Variants in TASP1 observed in about 807,000 individuals in gnomAD.
TASP1 encodes the protein taspase 1.
A neutral mutation model predicts 56.6 loss-of-function variants in TASP1; 16 were observed. The ratio of observed to expected loss-of-function variants is 0.28; its 90% CI spans 0.19 to 0.43. TASP1 has a LOEUF of 0.43. TASP1 is among the 20% of genes least tolerant of loss of function. The probability of loss-of-function intolerance (pLI) is 1.00; values close to 1 mark genes in which losing one functional copy is unlikely to be tolerated. For synonymous variants in TASP1, 179 were observed against 184.2 expected, an observed-to-expected ratio of 0.97 and a Z score of 0.23; for missense variants, 393 against 511.6, an observed-to-expected ratio of 0.77 and a Z score of 2.24.
the TASP1 span, among the ~76,000 whole-genome samples, chr20:13,352,447 C>CA: frequency 0.029 from 2,460 of 85,280 alleles, 30 homozygotes; most frequent in African/African-American, 0.041. Flanking sequence ...AAGACTGTCT[C>CA]AAAAAAAAAA....
At chr20:13,178,353 C>T in the TASP1 span, among the ~76,000 whole-genome samples, 96 of 152,026 alleles carry the variant, frequency 6.3e-4, no homozygotes, top group South Asian at 2.1e-3. Context: ...TGAAGGTTCC[C>T]CAAAAAACCT....
intron 6 of TASP1, among the ~76,000 whole-genome samples, chr20:13,572,470 G>A (rs1279818068): frequency 6.6e-6 from 1 of 152,094 alleles, no homozygotes; most frequent in Non-Finnish European, 1.5e-5. Context: ...GATCACTTGA[G>A]GTCAGGAGTT....
chr20:13,121,318 C>T, the TASP1 span, among the ~76,000 whole-genome samples: 1 of 152,068 alleles, frequency 6.6e-6, no homozygotes, highest in Non-Finnish European at 1.5e-5. Flanking sequence ...GAGCATTAGC[C>T]CCAGAAGCCT....
At chr20:13,327,620 T>G in the TASP1 span, among the ~76,000 whole-genome samples, 1 of 151,948 alleles carries the variant, frequency 6.6e-6, no homozygotes, top group Non-Finnish European at 1.5e-5. Flanking sequence ...CATAGACCAG[T>G]GGAACAGAAC....
intron 8 of TASP1, among the ~76,000 whole-genome samples, chr20:13,539,107 C>T (rs760673558): frequency 2.6e-4 from 40 of 152,098 alleles, no homozygotes; most frequent in Non-Finnish European, 5.3e-4. Context: ...TGCATGAAAC[C>T]AGCAAAAATC....
At chr20:13,358,677 GTTTAATCAT>G in the TASP1 span, among the ~76,000 whole-genome samples, 1 of 141,532 alleles carries the variant, frequency 7.1e-6, no homozygotes, top group African/African-American at 2.9e-5. Flanking sequence ...TTCCCTTGGT[GTTTAATCAT>G]GGCAGGGATG....
chr20:13,400,199 A>G (rs958559875), intron 13 of TASP1, among the ~76,000 whole-genome samples: 1 of 152,200 alleles, frequency 6.6e-6, no homozygotes, highest in Non-Finnish European at 1.5e-5. Flanking sequence ...TCCCCAGAAA[A>G]GTACCTCAAT....
chr20:13,185,713 AC>A, the TASP1 span, among the ~76,000 whole-genome samples: 1 of 152,170 alleles, frequency 6.6e-6, no homozygotes, highest in Non-Finnish European at 1.5e-5. Context: ...GCCTTACATT[AC>A]CTTCTCATAG....
intron 8 of TASP1, among the ~76,000 whole-genome samples, chr20:13,553,809 C>T (rs968456668): frequency 4.6e-5 from 7 of 152,116 alleles, no homozygotes; most frequent in Non-Finnish European, 7.4e-5. Flanking sequence ...CTGTAAACGA[C>T]CTACCAAATA....
In TASP1 at chr20:13,505,295, T is replaced by C. The variant is rs1601036034; in HGVS notation, c.875-21958A>G. Among the ~76,000 whole-genome samples the C allele has an allele frequency of 2.6e-5, 4 of 152,134 alleles. No individual in the cohort carries two copies. The East Asian group carries it at 7.7e-4, about 29-fold the overall frequency. The stretch of plus-strand genomic sequence containing the variant: ...TATTAACAGATCTGAAGAGGACAGA[T>C]AGCAATAAAATAATAGTAGAGAACT... On this transcript the variant is annotated intron_variant, in intron 10 of 13. Coordinates refer to ENST00000337743, the MANE Select transcript of TASP1 (RefSeq NM_017714.3).
chr20:13,359,325 T>A, the TASP1 span, among the ~76,000 whole-genome samples: 1 of 151,164 alleles, frequency 6.6e-6, no homozygotes, highest in Non-Finnish European at 1.5e-5. Flanking sequence ...GGGACCCCAC[T>A]GAAAATCGGA....
chr20:13,437,534 A>C (rs2043048437), intron 11 of TASP1, among the ~76,000 whole-genome samples: 1 of 152,190 alleles, frequency 6.6e-6, no homozygotes, highest in African/African-American at 2.4e-5. Context: ...GAAGGAAATA[A>C]AGGGTATTCA....
At chr20:13,629,804 C>T (rs1488105602) in intron 2 of TASP1, 130 bp downstream of exon 2, 18 of 1,361,896 alleles carry the variant, frequency 1.3e-5, no homozygotes, top group Admixed American at 2.0e-5. Flanking sequence ...GTCAAACAAT[C>T]GCTTTGCTTC....
chr20:13,178,895 A>G, the TASP1 span, among the ~76,000 whole-genome samples: 1 of 152,064 alleles, frequency 6.6e-6, no homozygotes, highest in African/African-American at 2.4e-5. Context: ...ATAATAATAC[A>G]TCATTTCAAA....
At chr20:13,496,319 T>G (rs957685903) in intron 10 of TASP1, among the ~76,000 whole-genome samples, 1 of 152,134 alleles carries the variant, frequency 6.6e-6, no homozygotes, top group East Asian at 1.9e-4. Flanking sequence ...CCTCCCAAAG[T>G]GCTGGGATTA....
chr20:13,356,632 AAGCATGAGATGCTCTAGAT>A, the TASP1 span, among the ~76,000 whole-genome samples: 3 of 152,178 alleles, frequency 2.0e-5, no homozygotes, highest in Non-Finnish European at 4.4e-5. Context: ...TTGCTTATCA[AAGCATGAGATGCTCTAGAT>A]AACACTTAAC....
the TASP1 span, among the ~76,000 whole-genome samples, chr20:13,122,885 G>A: frequency 6.6e-6 from 1 of 152,154 alleles, no homozygotes; most frequent in Non-Finnish European, 1.5e-5. Flanking sequence ...TTTGATGTAT[G>A]GGTCTACCAA....
chr20:13,396,987 C>A (rs1455680977), intron 13 of TASP1, among the ~76,000 whole-genome samples: 2 of 152,232 alleles, frequency 1.3e-5, no homozygotes, highest in African/African-American at 4.8e-5. Context: ...TTGGTTCTTA[C>A]TATCACCAGG....
At chr20:13,109,693 G>A in the TASP1 span, among the ~76,000 whole-genome samples, 6 of 152,202 alleles carry the variant, frequency 3.9e-5, no homozygotes, top group African/African-American at 7.2e-5. Context: ...AGTGAGATCC[G>A]TGCAAACTCA....
Sources: allele counts gnomAD v4.1 joint callset (sites outside exome capture counted in the v4.1 genomes callset), GRCh38; gene constraint gnomAD v4.1.1; transcripts MANE v1.5; gene names NCBI Gene and HGNC (gene_info 2026-07-23, HGNC 2026-07-21).